Variants in RSPO2 observed in about 807,000 individuals in gnomAD.
RSPO2 encodes the protein R-spondin-2.
A neutral mutation model predicts 30.9 loss-of-function variants in RSPO2; 14 were observed. The ratio of observed to expected loss-of-function variants is 0.45; its 90% CI spans 0.30 to 0.71. The LOEUF (loss-of-function observed/expected upper bound fraction) is 0.71. RSPO2 is among the 30% of genes least tolerant of loss of function. The probability of loss-of-function intolerance (pLI) is 0.08; values close to 1 mark genes in which losing one functional copy is unlikely to be tolerated. For synonymous variants in RSPO2, 107 were observed against 96.4 expected (o/e 1.11, Z -0.64); for missense variants, 264 against 301.9 (o/e 0.87, Z 0.93).
intron 3 of RSPO2, among the ~76,000 whole-genome samples, chr8:107,985,480 T>C (rs1258626537): frequency 6.6e-6 from 1 of 152,168 alleles, no homozygotes; most frequent in East Asian, 1.9e-4. Context: ...TGAAAATATG[T>C]TCATAATTCA....
At chr8:107,986,153 A>T (rs1320798798) in intron 3 of RSPO2, among the ~76,000 whole-genome samples, 1 of 152,204 alleles carries the variant, frequency 6.6e-6, no homozygotes, top group East Asian at 1.9e-4. Context: ...AATCTTTCTC[A>T]TCCCCTGAAT....
chr8:107,934,753 G>A (rs1812660624), intron 5 of RSPO2, among the ~76,000 whole-genome samples: 1 of 152,128 alleles, frequency 6.6e-6, no homozygotes, highest in Non-Finnish European at 1.5e-5. Flanking sequence ...AGATTTCATG[G>A]ACATTTATTA....
At chr8:107,928,967 C>G (rs912973077) in intron 5 of RSPO2, among the ~76,000 whole-genome samples, 1 of 152,132 alleles carries the variant, frequency 6.6e-6, no homozygotes, top group African/African-American at 2.4e-5. Flanking sequence ...ATTTTCTTAG[C>G]CTTCCTTAAA....
At chr8:108,080,218 T>A (rs1025717664) in intron 2 of RSPO2, among the ~76,000 whole-genome samples, 1 of 152,204 alleles carries the variant, frequency 6.6e-6, no homozygotes, top group African/African-American at 2.4e-5. Context: ...TTTAAGTAGT[T>A]CCACTTTTAA....
chr8:107,946,883 T>G (rs1278798746), intron 5 of RSPO2, among the ~76,000 whole-genome samples: 1 of 152,176 alleles, frequency 6.6e-6, no homozygotes, highest in African/African-American at 2.4e-5. Flanking sequence ...ACATCCACCA[T>G]CACTGAAGGT....
At chr8:107,982,967 A>C in intron 3 of RSPO2, 1 of 488,354 alleles carries the variant, frequency 2.0e-6, no homozygotes, top group Non-Finnish European at 3.5e-6. Flanking sequence ...TAGTATAAAT[A>C]GTGTTGGCTC....
intron 3 of RSPO2, among the ~76,000 whole-genome samples, chr8:107,974,967 C>G (rs1324523887): frequency 2.0e-5 from 3 of 152,148 alleles, no homozygotes; most frequent in Non-Finnish European, 4.4e-5. Context: ...CAGTAAGTTA[C>G]TGCTTATCTT....
intron 5 of RSPO2, among the ~76,000 whole-genome samples, chr8:107,931,222 C>T (rs1812544980): frequency 6.6e-6 from 1 of 152,156 alleles, no homozygotes; most frequent in Non-Finnish European, 1.5e-5. Flanking sequence ...TAGCTCTCCT[C>T]AAATTAGTGC....
At chr8:107,971,989 C>T (rs573524980) in intron 3 of RSPO2, among the ~76,000 whole-genome samples, 177 of 152,272 alleles carry the variant, frequency 1.2e-3, no homozygotes, top group African/African-American at 3.8e-3. Context: ...CCACTCTGTC[C>T]ATCATAATCC....
At chr8:107,903,754 C>T (rs1811549752) in intron 5 of RSPO2, among the ~76,000 whole-genome samples, 1 of 152,056 alleles carries the variant, frequency 6.6e-6, no homozygotes, top group African/African-American at 2.4e-5. Flanking sequence ...TCTTGAATGA[C>T]ACCTCTTTGC....
intron 2 of RSPO2, among the ~76,000 whole-genome samples, chr8:108,055,277 T>C (rs1448053572): frequency 6.6e-6 from 1 of 150,620 alleles, no homozygotes; most frequent in Admixed American, 6.6e-5. Context: ...AAGTCAAGAG[T>C]GTATGAGAGA....
chr8:108,003,239 ATG>A (rs1353385225), intron 2 of RSPO2, among the ~76,000 whole-genome samples: 3 of 41,604 alleles, frequency 7.2e-5, no homozygotes, highest in African/African-American at 2.8e-4. Flanking sequence ...GTGTGTATAT[ATG>A]TATGTATGTA....
chr8:108,019,982 C>T (rs1160726575), intron 2 of RSPO2, among the ~76,000 whole-genome samples: 1 of 151,894 alleles, frequency 6.6e-6, no homozygotes. Context: ...ATACTGTTTT[C>T]CCAGACCTTC....
chr8:108,012,245 A>G (rs952298710), intron 2 of RSPO2, among the ~76,000 whole-genome samples: 17 of 152,248 alleles, frequency 1.1e-4, no homozygotes, highest in Admixed American at 1.0e-3. Context: ...CTTGCTATAC[A>G]AAACATGGTC....
At chr8:108,014,495 C>T (rs1428848066) in intron 2 of RSPO2, among the ~76,000 whole-genome samples, 1 of 152,098 alleles carries the variant, frequency 6.6e-6, no homozygotes, top group Admixed American at 6.5e-5. Flanking sequence ...ACATACACAC[C>T]ATGGAATACT....
intron 5 of RSPO2, among the ~76,000 whole-genome samples, chr8:107,929,168 G>C (rs1252277710): frequency 6.6e-6 from 1 of 152,108 alleles, no homozygotes; most frequent in Non-Finnish European, 1.5e-5. Context: ...GCTTTGGATG[G>C]GATCCATTTT....
intron 5 of RSPO2, among the ~76,000 whole-genome samples, chr8:107,917,682 T>C (rs1314452437): frequency 6.6e-6 from 1 of 152,202 alleles, no homozygotes; most frequent in Non-Finnish European, 1.5e-5. Context: ...ACAGGAAGCA[T>C]TGTCAAATAT....
At chr8:108,042,406 G>A (rs1811786082) in intron 2 of RSPO2, among the ~76,000 whole-genome samples, 1 of 152,088 alleles carries the variant, frequency 6.6e-6, no homozygotes, top group Admixed American at 6.6e-5. Flanking sequence ...ATGAGAAGCA[G>A]CCCTTCCCTT....
At chr8:107,925,182 C>T (rs1165217446) in intron 5 of RSPO2, among the ~76,000 whole-genome samples, 2 of 151,596 alleles carry the variant, frequency 1.3e-5, no homozygotes, top group Non-Finnish European at 1.5e-5. Context: ...GGGTAAAAGA[C>T]TACATATTGG....
Sources: gnomAD v4.1 joint callset for allele counts (sites outside exome capture counted in the v4.1 genomes callset) on GRCh38, gnomAD v4.1.1 for gene constraint, MANE v1.5 for transcripts, NCBI Gene and HGNC (gene_info 2026-07-23, HGNC 2026-07-21) for gene names.